The following WIPI2 variants were observed in gnomAD, a reference collection of about 807,000 sequenced individuals.
WIPI2 encodes the protein WD repeat domain phosphoinositide-interacting protein 2.
Under a neutral mutation model 52.3 loss-of-function variants are expected in WIPI2, and 28 were observed. That is an observed-to-expected ratio of 0.54 (90% CI 0.40 to 0.73). The LOEUF (loss-of-function observed/expected upper bound fraction) is 0.73, where lower values mean the gene tolerates loss of function less well. Ranked by LOEUF, WIPI2 falls within the 30% of genes least tolerant of loss-of-function variation. The probability of loss-of-function intolerance (pLI) is 0.00; values close to 1 mark genes in which losing one functional copy is unlikely to be tolerated. For synonymous variants in WIPI2, 268 were observed against 245.0 expected (o/e 1.09, Z -0.88); for missense variants, 506 against 602.9 (o/e 0.84, Z 1.68).
At chr7:5,220,459 G>A (rs886791749) in intron 7 of WIPI2, among the ~76,000 whole-genome samples, 2 of 150,802 alleles carry the variant, frequency 1.3e-5, no homozygotes, top group African/African-American at 4.9e-5. Flanking sequence ...CAGGCTGGTC[G>A]TGAACTCCTG....
chr7:5,196,834 G>A lies in WIPI2; in HGVS notation c.129-2742G>A, dbSNP rs10249285. On this transcript the variant is annotated intron_variant, in intron 2 of 12. Transcript: ENST00000288828. ...TTTTATAAACTCAGTGCTACAGGCC[G>A]GGCATGGTGGCTCACACCTGTAATC... Among the ~76,000 whole-genome samples, 588 of 152,006 alleles carry A rather than the reference G, an allele frequency of 3.9e-3. 7 individuals are homozygous for A. Among genetic ancestry groups the A allele is most frequent in the African/African-American group, 0.013 (547 of 41,480 alleles).
At chr7:5,221,122 C>A (rs567483093) in intron 7 of WIPI2, among the ~76,000 whole-genome samples, 1 of 152,106 alleles carries the variant, frequency 6.6e-6, no homozygotes, top group South Asian at 2.1e-4. Flanking sequence ...CGCCACCATG[C>A]CCAGCTAATT....
At chr7:5,208,839 A>G (rs1484240433) in intron 3 of WIPI2, among the ~76,000 whole-genome samples, 1 of 152,102 alleles carries the variant, frequency 6.6e-6, no homozygotes, top group Non-Finnish European at 1.5e-5. Flanking sequence ...CTTTCCATAT[A>G]AAATTTAAAA....
At chr7:5,205,717 A>C (rs991924849) in intron 3 of WIPI2, among the ~76,000 whole-genome samples, 2 of 152,096 alleles carry the variant, frequency 1.3e-5, no homozygotes, top group South Asian at 4.1e-4. Context: ...CATATTGGGC[A>C]GGCTGGTGTT....
In WIPI2 at chr7:5,226,708, G is replaced by A. The variant is rs78247580; in HGVS notation, c.849-472G>A. On this transcript the variant is annotated intron_variant, in intron 9 of 12. Coordinates refer to ENST00000288828, the MANE Select transcript of WIPI2 (RefSeq NM_015610.4). ...GTGGTCAAAAATAATAAATTTTGTT[G>A]GGTATATTTCATCACAATTTTTAAA... 8.0e-3 allele frequency: 1,227 copies of A among 154,214 alleles called. 21 individuals carry two copies. The highest frequency in any genetic ancestry group is 0.014 in the African/African-American group (586 of 41,538). The allele number at this position is 154,214 out of a possible 1,614,324, so 9.6% of individuals were successfully genotyped here.
chr7:5,194,662 A>G (rs1160075512), intron 2 of WIPI2, among the ~76,000 whole-genome samples: 3 of 152,116 alleles, frequency 2.0e-5, no homozygotes, highest in African/African-American at 7.2e-5. Context: ...TTTTGTAGAG[A>G]TGGGGTTTCA....
At chr7:5,220,898 A>G (rs142862967) in intron 7 of WIPI2, among the ~76,000 whole-genome samples, 12,426 of 150,504 alleles carry the variant, frequency 0.083, 710 homozygotes, top group Middle Eastern at 0.14. Flanking sequence ...GGCTCAAGCG[A>G]TTCTCGTGCC....
At chr7:5,201,947 C>CT (rs35036884) in intron 3 of WIPI2, among the ~76,000 whole-genome samples, 5,648 of 146,602 alleles carry the variant, frequency 0.039, 303 homozygotes, top group African/African-American at 0.13. Context: ...CTCTTTCACA[C>CT]TTTTTTTTTT....
chr7:5,218,793 T>C (rs1782949121), intron 7 of WIPI2: 1 of 152,204 alleles, frequency 6.6e-6, no homozygotes, highest in Admixed American at 6.5e-5. Flanking sequence ...TGTGCCTCTC[T>C]TTTCGTTTCA....
At chr7:5,202,561 AT>A (rs1782080012) in intron 3 of WIPI2, among the ~76,000 whole-genome samples, 1 of 151,628 alleles carries the variant, frequency 6.6e-6, no homozygotes, top group African/African-American at 2.4e-5. Context: ...TTTTTTTTTA[AT>A]TTTTGTAGAA....
intron 3 of WIPI2, among the ~76,000 whole-genome samples, chr7:5,206,890 G>A (rs1782321145): frequency 6.6e-6 from 1 of 152,154 alleles, no homozygotes; most frequent in Non-Finnish European, 1.5e-5. Flanking sequence ...CGATCCTCCT[G>A]CCTCTGCCTC....
At chr7:5,201,442 T>A (rs1782020607) in intron 3 of WIPI2, among the ~76,000 whole-genome samples, 1 of 152,224 alleles carries the variant, frequency 6.6e-6, no homozygotes. Flanking sequence ...GTCTTGATAG[T>A]ATCTTTTAGA....
At chr7:5,215,080 G>T (rs1782747164) in intron 4 of WIPI2, among the ~76,000 whole-genome samples, 1 of 152,216 alleles carries the variant, frequency 6.6e-6, no homozygotes. Flanking sequence ...GGAGGCCGAG[G>T]CGGGCAGATT....
chr7:5,222,761 C>G, intron 8 of WIPI2, 89 bp downstream of exon 8: 1 of 1,264,406 alleles, frequency 7.9e-7, no homozygotes, highest in Admixed American at 1.9e-5. Flanking sequence ...GTAGAACCCC[C>G]AGGAGAATTC....
intron 3 of WIPI2, among the ~76,000 whole-genome samples, chr7:5,200,587 C>G (rs1227795431): frequency 6.6e-6 from 1 of 151,324 alleles, no homozygotes; most frequent in Admixed American, 6.6e-5. Flanking sequence ...GAGTTTTGCT[C>G]TTACTGCCCA....
chr7:5,216,599 C>T lies in WIPI2; in HGVS notation c.418C>T (p.His140Tyr). Residue 140 changes from histidine (H) to tyrosine (Y), a missense_variant, in exon 5 of 13, where the codon CAC (histidine) becomes TAC (tyrosine). His to Tyr is a moderately conservative substitution (Grantham distance 83, BLOSUM62 2). Transcript: ENST00000288828. ...ATGCCTGGAGGAGTCCCTGTACATC[C>T]ACAACATTCGGGACATGAAGGTGCT... is the stretch of plus-strand genomic sequence containing the variant. ...IVCLEESLYI[H>Y]NIRDMKVLHT... is the part of the protein sequence containing the mutation. 6.2e-7 allele frequency: 1 copy of T among 1,614,184 alleles called. No homozygotes were observed. Among genetic ancestry groups the T allele is most frequent in the Non-Finnish European group, 8.5e-7 (1 of 1,180,032 alleles).
At chr7:5,198,809 G>GT (rs1367386768) in intron 2 of WIPI2, among the ~76,000 whole-genome samples, 2 of 152,094 alleles carry the variant, frequency 1.3e-5, no homozygotes, top group Admixed American at 1.3e-4. Flanking sequence ...AATTAAAATT[G>GT]TATCTGTTGA....
chr7:5,229,543 G>A lies in WIPI2; in HGVS notation c.1122-65G>A, dbSNP rs986435345. The A allele has an allele frequency of 4.5e-6, 7 of 1,565,114 alleles. No individual in the cohort carries two copies. In the African/African-American group the frequency reaches 9.5e-5, roughly 21 times the overall value. On this transcript the variant is annotated intron_variant, in intron 11 of 12. Coordinates refer to ENST00000288828, the MANE Select transcript of WIPI2 (RefSeq NM_015610.4). ...TGGCTCTGTTGCCGCAGGGCAGCCA[G>A]TGTGTACTGCCCGCAGGGCTGCCCT...
chr7:5,227,180 A>T lies in WIPI2; in HGVS notation c.849A>T (p.Lys283Asn). 6.2e-7 allele frequency: 1 copy of T among 1,612,810 alleles called. No homozygotes were observed. Among genetic ancestry groups the T allele is most frequent in the Non-Finnish European group, 8.5e-7 (1 of 1,179,800 alleles). ...HIFKLETVKE[K>N]PPEEPTTWTG... ...TGTGTCTGGTGGCCTTTCCTTCCAG[A>T]CCCCCAGAGGAGCCCACCACCTGGA... Residue 283 changes from lysine (K) to asparagine (N), a missense_variant and splice_region_variant, in exon 10 of 13, where the codon AAA becomes AAT. Transcript: ENST00000288828. The surrounding 1 kb of genome is among the most constrained non-coding windows in gnomAD (Gnocchi z 8.1).
Sources: allele counts gnomAD v4.1 joint callset (sites outside exome capture counted in the v4.1 genomes callset), GRCh38; gene constraint gnomAD v4.1.1; non-coding constraint Gnocchi (gnomAD v3.1); transcripts MANE v1.5; gene names NCBI Gene and HGNC (gene_info 2026-07-23, HGNC 2026-07-21).